Variants in P3H2 observed in about 807,000 individuals in gnomAD.
P3H2 encodes the protein prolyl 3-hydroxylase 2.
P3H2 carries 80 observed loss-of-function variants against 87.0 expected under a neutral mutation model. The ratio of observed to expected loss-of-function variants is 0.92; its 90% confidence interval spans 0.77 to 1.11. P3H2 has a LOEUF of 1.11. P3H2 is among the 50% of genes least tolerant of loss of function. The pLI is 0.00. For missense variants in P3H2, 1,001 were observed against 923.9 expected (o/e 1.08, Z -1.08); for synonymous variants, 367 against 359.3 (o/e 1.02, Z -0.24).
rs1723743630 is a variant in P3H2, at chr3:189,987,545, T to G, written c.1080A>C (p.Ala360=). Residue 360 remains alanine (A), a synonymous_variant, in exon 5 of 15, where the codon GCA becomes GCC. Transcript: ENST00000319332. ...ESLLDDSIDP[A]SIEAREDLTM... ...GTCTCACCTCTCTGGCCTCAATGGA[T>G]GCCGGGTCAATGCTATCATCCAGCA... The G allele has an allele frequency of 6.2e-7, 1 of 1,613,734 alleles. No homozygotes were observed. The highest frequency in any genetic ancestry group is 8.5e-7 in the Non-Finnish European group (1 of 1,179,954).
intron 1 of P3H2, among the ~76,000 whole-genome samples, chr3:190,109,746 T>A (rs762711932): frequency 1.2e-4 from 18 of 152,086 alleles, no homozygotes; most frequent in Non-Finnish European, 2.4e-4. Flanking sequence ...GCAGCCAAAC[T>A]TTTTTAATAA....
At chr3:190,023,110 G>T (rs1274861155) in intron 1 of P3H2, among the ~76,000 whole-genome samples, 1 of 152,150 alleles carries the variant, frequency 6.6e-6, no homozygotes, top group Non-Finnish European at 1.5e-5. Flanking sequence ...ACAGGTGTGA[G>T]CCACCACGCC....
chr3:190,013,399 A>C (rs1446900514), intron 1 of P3H2, among the ~76,000 whole-genome samples: 5 of 152,232 alleles, frequency 3.3e-5, no homozygotes, highest in African/African-American at 1.2e-4. Context: ...AGTTATTCTA[A>C]AGAGTTAAAA....
chr3:190,014,837 G>T (rs1439459182), intron 1 of P3H2, among the ~76,000 whole-genome samples: 1 of 152,074 alleles, frequency 6.6e-6, no homozygotes, highest in Non-Finnish European at 1.5e-5. Flanking sequence ...TACTAGACTT[G>T]TGAGGAAGGA....
chr3:190,122,044 A>ATCATGCAG (rs1314000129), upstream of P3H2, among the ~76,000 whole-genome samples: 2 of 142,718 alleles, frequency 1.4e-5, no homozygotes, highest in Non-Finnish European at 3.0e-5. Flanking sequence ...GTGAGCTGAG[A>ATCATGCAG]TCATGCAGCC....
intron 9 of P3H2, chr3:189,974,303 G>C: frequency 1.7e-6 from 1 of 602,238 alleles, no homozygotes; most frequent in East Asian, 2.8e-5. Flanking sequence ...AACTTTATAT[G>C]ATAGGCAGGG....
At chr3:190,098,895 G>C (rs779132587) in intron 1 of P3H2, among the ~76,000 whole-genome samples, 1 of 152,096 alleles carries the variant, frequency 6.6e-6, no homozygotes, top group Non-Finnish European at 1.5e-5. Context: ...GATTCTTCCA[G>C]GCATTTTCTG....
chr3:190,108,965 T>C (rs1711961593), intron 1 of P3H2, among the ~76,000 whole-genome samples: 1 of 152,238 alleles, frequency 6.6e-6, no homozygotes, highest in African/African-American at 2.4e-5. Context: ...TTAACTCTGC[T>C]GTTCTGGGCT....
At chr3:190,024,437 T>C (rs1303864708) in intron 1 of P3H2, among the ~76,000 whole-genome samples, 1 of 145,270 alleles carries the variant, frequency 6.9e-6, no homozygotes, top group Non-Finnish European at 1.5e-5. Flanking sequence ...CAGCTACTCA[T>C]GTGGCTGAGA....
rs2108531489 is a variant in P3H2, at chr3:190,120,342, GC to G, written c.389del (p.Gly130AlafsTer74). 4 of 1,586,548 alleles carry G rather than the reference GC, an allele frequency of 2.5e-6. No homozygotes were observed. The highest frequency in any genetic ancestry group is 1.8e-5 in the Admixed American group (1 of 55,986). On this transcript the variant is annotated frameshift_variant, in exon 1 of 15. Coordinates refer to ENST00000319332, the MANE Select transcript of P3H2 (RefSeq NM_018192.4). LOFTEE classifies it high-confidence loss of function. The part of the protein sequence containing the change: ...YRSCETQRLG[G>X]PASRHRVSED... Reference sequence around the variant, plus strand: ...CGCTGACGCGGTGGCGGGATGCGGGGCCCCCGAGGCGCTGGGTCTCACAGCT... The same window carrying G: ...CGCTGACGCGGTGGCGGGATGCGGGGCCCCGAGGCGCTGGGTCTCACAGCT...
chr3:190,095,295 T>A (rs1045728551), intron 1 of P3H2, among the ~76,000 whole-genome samples: 1 of 114,586 alleles, frequency 8.7e-6, no homozygotes, highest in African/African-American at 3.3e-5. Flanking sequence ...AGACAAATTG[T>A]CTCAAAACAT....
chr3:190,054,073 G>A (rs2108962710), intron 1 of P3H2, among the ~76,000 whole-genome samples: 1 of 152,172 alleles, frequency 6.6e-6, no homozygotes, highest in South Asian at 2.1e-4. Flanking sequence ...TATCTGCACT[G>A]TATTCTAATG....
At chr3:189,972,825 T>G in intron 11 of P3H2, 49 bp downstream of exon 11, 1 of 1,601,528 alleles carries the variant, frequency 6.2e-7, no homozygotes, top group East Asian at 2.2e-5. Context: ...TTGTTTCATT[T>G]CCCAATGTAT....
intron 1 of P3H2, among the ~76,000 whole-genome samples, chr3:190,117,056 C>G (rs1385488678): frequency 6.6e-6 from 1 of 152,244 alleles, no homozygotes; most frequent in African/African-American, 2.4e-5. Context: ...TGTGAACCTA[C>G]AGGCCAGTGG....
upstream of P3H2, chr3:190,121,740 G>A (rs895859354): frequency 4.6e-5 from 7 of 152,220 alleles, no homozygotes; most frequent in Non-Finnish European, 1.0e-4. Flanking sequence ...GAGGGCCTCA[G>A]TTTCCTCATC....
chr3:189,965,677 G>A (rs769854977), intron 13 of P3H2, among the ~76,000 whole-genome samples: 1 of 152,112 alleles, frequency 6.6e-6, no homozygotes, highest in Non-Finnish European at 1.5e-5. Context: ...GGTAAAACCT[G>A]TGAAGTAGGA....
chr3:190,062,797 C>A (rs1361962653), intron 1 of P3H2, among the ~76,000 whole-genome samples: 1 of 151,984 alleles, frequency 6.6e-6, no homozygotes, highest in African/African-American at 2.4e-5. Flanking sequence ...CCCACTGATT[C>A]AATCTTACAT....
intron 3 of P3H2, among the ~76,000 whole-genome samples, chr3:189,990,289 T>C (rs1369783239): frequency 1.3e-5 from 2 of 152,184 alleles, no homozygotes; most frequent in Middle Eastern, 3.2e-3. Context: ...AAGAATGAGT[T>C]CTATTTATTT....
intron 11 of P3H2, among the ~76,000 whole-genome samples, chr3:189,972,458 G>C (rs988085677): frequency 6.6e-6 from 1 of 152,326 alleles, no homozygotes; most frequent in Admixed American, 6.5e-5. Flanking sequence ...AAATAATGCT[G>C]AGCAGGGACC....
Sources: allele counts gnomAD v4.1 joint callset (sites outside exome capture counted in the v4.1 genomes callset), GRCh38; gene constraint gnomAD v4.1.1; transcripts MANE v1.5; gene names NCBI Gene and HGNC (gene_info 2026-07-23, HGNC 2026-07-21).